ALK: variants seen among roughly 807,000 people sequenced by gnomAD.
ALK encodes the protein ALK tyrosine kinase receptor.
Under a neutral mutation model 163.1 loss-of-function variants are expected in ALK, and 74 were observed. The observed-to-expected ratio is 0.45, with a 90% CI of 0.38 to 0.55. The LOEUF (loss-of-function observed/expected upper bound fraction) is 0.55, where lower values mean the gene tolerates loss of function less well. Among genes scored for constraint, ALK ranks in the 20% least tolerant of loss-of-function variants. ALK has a pLI of 0.00. For synonymous variants in ALK, 960 were observed against 843.2 expected (o/e 1.14, Z -2.40); for missense variants, 2,063 against 2,105.3 (o/e 0.98, Z 0.39).
At chr2:29,852,592 A>G (rs2148401711) in intron 1 of ALK, among the ~76,000 whole-genome samples, 1 of 152,288 alleles carries the variant, frequency 6.6e-6, no homozygotes, top group East Asian at 1.9e-4. Flanking sequence ...CTCCACACCT[A>G]TTCCCCCTCT....
At chr2:29,514,052 A>C in intron 4 of ALK, among the ~76,000 whole-genome samples, 1 of 82,016 alleles carries the variant, frequency 1.2e-5, no homozygotes, top group Admixed American at 1.2e-4. Flanking sequence ...ACTGTTGGTG[A>C]GACTGTAAAC....
rs1553394491 is a variant in ALK at position 29,223,472 on chromosome 2, C to T, written c.3229G>A (p.Glu1077Lys). Residue 1077 changes from glutamate to lysine, a missense_variant, in exon 20 of 29, where the codon GAG becomes AAG. Glu to Lys is a moderately conservative substitution (Grantham distance 56). Around this residue, in one of 5 missense-constraint regions of ALK, gnomAD observed 575 missense variants for 626.6 expected, o/e 0.92. Coordinates refer to ENST00000389048, the MANE Select transcript of ALK (RefSeq NM_004304.5). ...GTGCGGAGCTTGCTCAGCTTGTACT[C>T]AGGGCTCTGCAGCTCCATCTGCATG... ...QAMQMELQSP[E>K]YKLSKLRTST... is the part of the protein sequence containing the mutation. 3 of 1,614,172 alleles carry T rather than the reference C, an allele frequency of 1.9e-6. No individual in the cohort carries two copies. The highest frequency in any genetic ancestry group is 2.5e-6 in the Non-Finnish European group (3 of 1,180,036).
At chr2:29,499,424 G>A (rs1672111647) in intron 4 of ALK, among the ~76,000 whole-genome samples, 1 of 152,054 alleles carries the variant, frequency 6.6e-6, no homozygotes, top group Non-Finnish European at 1.5e-5. Context: ...TTGAACCCCT[G>A]GCCTCAAGTG....
At chr2:29,889,227 T>C (rs1486509121) in intron 1 of ALK, among the ~76,000 whole-genome samples, 1 of 149,880 alleles carries the variant, frequency 6.7e-6, no homozygotes, top group African/African-American at 2.5e-5. Flanking sequence ...TTCTCTGCAG[T>C]GGAAAGAAAG....
At chr2:29,885,923 A>G (rs991061198) in intron 1 of ALK, among the ~76,000 whole-genome samples, 2 of 152,206 alleles carry the variant, frequency 1.3e-5, no homozygotes, top group Non-Finnish European at 2.9e-5. Context: ...AGAAATTACT[A>G]GGTATTTCCA....
chr2:29,644,614 C>T (rs1019563976), intron 3 of ALK, among the ~76,000 whole-genome samples: 1 of 151,768 alleles, frequency 6.6e-6, no homozygotes, highest in Non-Finnish European at 1.5e-5. Flanking sequence ...CTTCTCCATT[C>T]ATGTAGGAAT....
At chr2:29,829,343 G>T (rs1231522614) in intron 1 of ALK, among the ~76,000 whole-genome samples, 1 of 151,350 alleles carries the variant, frequency 6.6e-6, no homozygotes, top group Non-Finnish European at 1.5e-5. Context: ...GATGAAGATG[G>T]TTAAACTGAT....
intron 5 of ALK, among the ~76,000 whole-genome samples, chr2:29,329,286 C>T (rs1223666072): frequency 1.3e-5 from 2 of 152,210 alleles, no homozygotes. Flanking sequence ...CACATCTTTG[C>T]AGGCCCCAGA....
intron 3 of ALK, among the ~76,000 whole-genome samples, chr2:29,684,303 T>C (rs1370700365): frequency 6.6e-6 from 1 of 152,212 alleles, no homozygotes; most frequent in East Asian, 1.9e-4. Context: ...CATACTTTTA[T>C]AGATGATCTA....
intron 3 of ALK, among the ~76,000 whole-genome samples, chr2:29,551,459 T>C (rs1673711335): frequency 6.6e-6 from 1 of 152,138 alleles, no homozygotes; most frequent in Non-Finnish European, 1.5e-5. Context: ...GGTATTATTA[T>C]TACTGTCTCT....
rs1378239568 is a variant in ALK at position 29,222,528 on chromosome 2, C to T, written c.3439G>A (p.Val1147Met). The change falls in exon 21 of 29, where the codon GTG becomes ATG. Residue 1147 changes from valine (V) to methionine (M), a missense_variant. Physicochemically the swap from Val to Met is conservative, Grantham distance 21. Transcript: ENST00000389048. ...GMPNDPSPLQ[V>M]AVKTLPEVCS... ...GAGCCACTTCTTACCTTCACAGCCACTTGCAGGGGGCTTGGGTCGTTGGGC... is the reference window on the plus strand; with the variant it reads ...GAGCCACTTCTTACCTTCACAGCCATTTGCAGGGGGCTTGGGTCGTTGGGC... 1 of 1,614,142 alleles carries T rather than the reference C, an allele frequency of 6.2e-7. No individual in the cohort carries two copies. Among genetic ancestry groups the T allele is most frequent in the Admixed American group, 1.7e-5 (1 of 60,024 alleles).
chr2:29,892,946 A>G (rs1413580332), intron 1 of ALK, among the ~76,000 whole-genome samples: 1 of 152,190 alleles, frequency 6.6e-6, no homozygotes, highest in Non-Finnish European at 1.5e-5. Context: ...GACTTGGTCA[A>G]TTCCATTGTG....
chr2:29,716,873 G>A (rs1372369564), intron 2 of ALK, among the ~76,000 whole-genome samples: 12 of 151,696 alleles, frequency 7.9e-5, no homozygotes, highest in African/African-American at 1.2e-4. Context: ...GGCTGGGCAC[G>A]GTGGCTCACT....
At chr2:29,743,336 C>A (rs1341064382) in intron 1 of ALK, among the ~76,000 whole-genome samples, 4 of 152,212 alleles carry the variant, frequency 2.6e-5, no homozygotes, top group Non-Finnish European at 5.9e-5. Flanking sequence ...GAAGCCAGCC[C>A]TTTTCAGACT....
chr2:29,360,012 G>T (rs1208927624), intron 5 of ALK, among the ~76,000 whole-genome samples: 1 of 152,184 alleles, frequency 6.6e-6, no homozygotes, highest in Non-Finnish European at 1.5e-5. Context: ...AGTAGAAGTG[G>T]GCAGGCCTCA....
At chr2:29,852,060 C>T (rs889801804) in intron 1 of ALK, among the ~76,000 whole-genome samples, 4 of 152,286 alleles carry the variant, frequency 2.6e-5, no homozygotes, top group African/African-American at 4.8e-5. Flanking sequence ...AGATAGAGAA[C>T]GGAACAAAAA....
intron 3 of ALK, among the ~76,000 whole-genome samples, chr2:29,574,339 C>T (rs1474061785): frequency 2.6e-5 from 4 of 152,226 alleles, no homozygotes; most frequent in Non-Finnish European, 4.4e-5. Flanking sequence ...AATAAGAAGG[C>T]TCTTTCTAAA....
chr2:29,664,796 T>C (rs937136015), intron 3 of ALK, among the ~76,000 whole-genome samples: 13 of 152,182 alleles, frequency 8.5e-5, no homozygotes, highest in African/African-American at 2.2e-4. Flanking sequence ...ATGTTCTATA[T>C]AGACAACCTT....
At chr2:29,696,908 C>T (rs1203473984) in intron 2 of ALK, among the ~76,000 whole-genome samples, 1 of 150,056 alleles carries the variant, frequency 6.7e-6, no homozygotes, top group Non-Finnish European at 1.5e-5. Flanking sequence ...GAAATAAAAC[C>T]TGCTTGCCCT....
Sources: gnomAD v4.1 joint callset for allele counts (sites outside exome capture counted in the v4.1 genomes callset) on GRCh38, gnomAD v4.1.1 for gene constraint, gnomAD v4.1.1 regional missense constraint, MANE v1.5 for transcripts, NCBI Gene and HGNC (gene_info 2026-07-23, HGNC 2026-07-21) for gene names.